MAD1L1: variants seen among roughly 807,000 people sequenced by gnomAD.
MAD1L1 encodes mitotic spindle assembly checkpoint protein MAD1.
Under a neutral mutation model 96.9 loss-of-function variants are expected in MAD1L1, and 95 were observed. That is an observed-to-expected ratio of 0.98 (90% confidence interval 0.83 to 1.16). The LOEUF (loss-of-function observed/expected upper bound fraction) is 1.16, where lower values mean the gene tolerates loss of function less well. Ranked by LOEUF, MAD1L1 falls within the 50% of genes most tolerant of loss-of-function variation. The pLI, the probability that MAD1L1 is intolerant of heterozygous loss-of-function variation, is 0.00. For missense variants in MAD1L1, 1,007 were observed against 954.4 expected, an observed-to-expected ratio of 1.06 and a Z score of -0.73; for synonymous variants, 473 against 396.6, an observed-to-expected ratio of 1.19 and a Z score of -2.29.
intron 18 of MAD1L1, among the ~76,000 whole-genome samples, chr7:1,865,384 G>A (rs563730283): frequency 1.3e-5 from 2 of 152,342 alleles, no homozygotes; most frequent in South Asian, 2.1e-4. Context: ...TGCCAGCCCC[G>A]GGGCATCCCA....
At chr7:2,222,121 T>G (rs1469793864) in intron 5 of MAD1L1, among the ~76,000 whole-genome samples, 13 of 151,638 alleles carry the variant, frequency 8.6e-5, no homozygotes, top group Admixed American at 8.5e-4. Flanking sequence ...TTGCCCAGGC[T>G]GGAGTGCAAT....
chr7:1,824,344 G>A (rs1317540836), intron 18 of MAD1L1, among the ~76,000 whole-genome samples: 6 of 124,368 alleles, frequency 4.8e-5, no homozygotes, highest in Non-Finnish European at 9.2e-5. Context: ...TGGGCACACC[G>A]ACACACCTCT....
At chr7:2,018,370 G>A (rs1292316867) in intron 12 of MAD1L1, among the ~76,000 whole-genome samples, 1 of 152,250 alleles carries the variant, frequency 6.6e-6, no homozygotes, top group Non-Finnish European at 1.5e-5. Context: ...TGAATGCACG[G>A]CAGCCACGGT....
rs1355529206 is a variant in MAD1L1 at position 2,142,587 on chromosome 7, C to A, written c.1073+6565G>T. Among the ~76,000 whole-genome samples, 1 of 152,208 alleles carries A rather than the reference C, an allele frequency of 6.6e-6. No homozygotes were observed. The highest frequency in any genetic ancestry group is 2.4e-5 in the African/African-American group (1 of 41,454). ...TGCCACCCAGAGCTCCTGGCGCGTG[C>A]CCTGCCACAGCCCTGGACCAGACAG... is the stretch of plus-strand genomic sequence containing the variant. On this transcript the variant is annotated intron_variant, in intron 11 of 18. Coordinates refer to ENST00000265854, the MANE Select transcript of MAD1L1 (RefSeq NM_001013836.2). The surrounding 1 kb of genome is among the most constrained non-coding windows in gnomAD (Gnocchi z 4.7).
chr7:2,063,877 C>G (rs369706508), intron 12 of MAD1L1, among the ~76,000 whole-genome samples: 12 of 152,190 alleles, frequency 7.9e-5, no homozygotes, highest in East Asian at 3.9e-4. Flanking sequence ...CTGCCCTCAG[C>G]ACACACAATC....
intron 15 of MAD1L1, among the ~76,000 whole-genome samples, chr7:1,980,052 A>C (rs1780821754): frequency 1.3e-5 from 2 of 152,190 alleles, no homozygotes; most frequent in Admixed American, 6.5e-5. Context: ...GCAGCAGAGG[A>C]GCAAGACTTT....
intron 11 of MAD1L1, among the ~76,000 whole-genome samples, chr7:2,126,916 C>G (rs1209738926): frequency 1.3e-5 from 2 of 152,194 alleles, no homozygotes; most frequent in East Asian, 3.9e-4. Flanking sequence ...AGCAATGCTT[C>G]TATGTATCCA....
intron 13 of MAD1L1, among the ~76,000 whole-genome samples, chr7:2,012,535 C>T (rs769819353): frequency 3.9e-5 from 6 of 152,324 alleles, no homozygotes; most frequent in South Asian, 2.1e-4. Flanking sequence ...TGCAGCCCTC[C>T]GCAGCAGGCC....
chr7:1,941,220 C>T (rs1261496130), intron 16 of MAD1L1, among the ~76,000 whole-genome samples: 3 of 152,310 alleles, frequency 2.0e-5, no homozygotes, highest in African/African-American at 7.2e-5. Flanking sequence ...CGTCAAGTTC[C>T]CCGGGGTGGA....
At chr7:2,156,941 T>C (rs956094402) in intron 10 of MAD1L1, among the ~76,000 whole-genome samples, 4 of 152,142 alleles carry the variant, frequency 2.6e-5, no homozygotes, top group Non-Finnish European at 4.4e-5. Flanking sequence ...CAATTCTTTA[T>C]GTCACCAGGA....
chr7:1,913,974 G>T (rs552067658), intron 17 of MAD1L1, among the ~76,000 whole-genome samples: 26 of 151,902 alleles, frequency 1.7e-4, no homozygotes, highest in Non-Finnish European at 3.5e-4. Context: ...ACGCCATGCT[G>T]GGGGGGGAGA....
chr7:1,913,792 T>TG (rs1465735020), intron 17 of MAD1L1, among the ~76,000 whole-genome samples: 1 of 151,964 alleles, frequency 6.6e-6, no homozygotes, highest in Non-Finnish European at 1.5e-5. Context: ...CCGGATTCCG[T>TG]GGGGAGTGGA....
rs527376273 is a variant in MAD1L1 at position 2,142,864 on chromosome 7, G to A, written c.1073+6288C>T. Among the ~76,000 whole-genome samples the A allele has an allele frequency of 3.9e-5, 6 of 152,294 alleles. No individual in the cohort carries two copies. Among genetic ancestry groups the A allele is most frequent in the East Asian group, 1.9e-4 (1 of 5,176 alleles). Reference sequence around the variant, plus strand: ...AGGGCAGGCCAGAACTGGCCATCCCGATGTGCTCTCTCACCCACACTGATC... The same window carrying A: ...AGGGCAGGCCAGAACTGGCCATCCCAATGTGCTCTCTCACCCACACTGATC... On this transcript the variant is annotated intron_variant, in intron 11 of 18. Transcript: ENST00000265854. This position sits in a 1 kb window ranked among gnomAD's most constrained non-coding sequence, Gnocchi z 4.7.
At chr7:2,222,331 C>A (rs975090014) in intron 5 of MAD1L1, among the ~76,000 whole-genome samples, 5 of 152,198 alleles carry the variant, frequency 3.3e-5, no homozygotes, top group South Asian at 2.1e-4. Flanking sequence ...ACACCCACCT[C>A]GGCCTCCCAA....
chr7:2,133,255 C>T (rs113586902), intron 11 of MAD1L1, among the ~76,000 whole-genome samples: 2,074 of 150,362 alleles, frequency 0.014, 28 homozygotes, highest in Non-Finnish European at 0.024. Flanking sequence ...CCGTCACCCA[C>T]GTGTCTGCTT....
rs149055808 is a variant in MAD1L1 at position 2,110,520 on chromosome 7, C to A, written c.1073+38632G>T. Among the ~76,000 whole-genome samples the A allele has an allele frequency of 4.6e-3, 706 of 152,342 alleles. 8 individuals are homozygous for A. The highest frequency in any genetic ancestry group is 0.016 in the African/African-American group (671 of 41,582). On this transcript the variant is annotated intron_variant, in intron 11 of 18. Transcript: ENST00000265854. ...CACTTCTTCTGAAGTCACAACCCAACAGTGATTCGCTCTGACTCACACTGG... is the reference window on the plus strand; with the variant it reads ...CACTTCTTCTGAAGTCACAACCCAAAAGTGATTCGCTCTGACTCACACTGG...
intron 12 of MAD1L1, among the ~76,000 whole-genome samples, chr7:2,015,554 C>T (rs1207479591): frequency 2.0e-5 from 3 of 152,252 alleles, no homozygotes; most frequent in Admixed American, 6.5e-5. Flanking sequence ...CGTGCTGCTG[C>T]GGGGAAGTGT....
chr7:2,121,396 C>T (rs1462843231), intron 11 of MAD1L1, among the ~76,000 whole-genome samples: 2 of 152,226 alleles, frequency 1.3e-5, no homozygotes, highest in African/African-American at 2.4e-5. Flanking sequence ...CACACACACT[C>T]GGTCCAGCTG....
chr7:1,996,855 G>A (rs1026430564), intron 14 of MAD1L1, among the ~76,000 whole-genome samples: 4 of 94,742 alleles, frequency 4.2e-5, no homozygotes, highest in Admixed American at 2.6e-4. Flanking sequence ...TAAAATATTA[G>A]AGGATATTTT....
Sources: gnomAD v4.1 joint callset for allele counts (sites outside exome capture counted in the v4.1 genomes callset) on GRCh38, gnomAD v4.1.1 for gene constraint, Gnocchi (gnomAD v3.1) non-coding constraint, MANE v1.5 for transcripts, NCBI Gene and HGNC (gene_info 2026-07-23, HGNC 2026-07-21) for gene names.